Variants in CEP68 observed in about 807,000 individuals in gnomAD.
CEP68 encodes the protein centrosomal protein 68, also known as centrosomal protein of 68 kDa.
A neutral mutation model predicts 55.3 loss-of-function variants in CEP68; 26 were observed. That is an observed-to-expected ratio of 0.47 (90% CI 0.34 to 0.65). The LOEUF is 0.65. Ranked by LOEUF, CEP68 falls within the 30% of genes least tolerant of loss-of-function variation. CEP68 has a pLI of 0.01. For missense variants in CEP68, 957 were observed against 946.7 expected, an observed-to-expected ratio of 1.01 and a Z score of -0.14; for synonymous variants, 402 against 383.2, an observed-to-expected ratio of 1.05 and a Z score of -0.57.
At chr2:65,069,901 A>G (rs1676378495) in intron 2 of CEP68, 100 bp downstream of exon 2, 3 of 1,095,094 alleles carry the variant, frequency 2.7e-6, no homozygotes, top group East Asian at 2.4e-5. Flanking sequence ...GCTACTGTGC[A>G]GGGTGAGGAA....
Position 65,069,504 on chromosome 2 carries a change from C to T in CEP68, c.60C>T (p.Ser20=). ...AEASEDTKAQ[S]YGRGSCRERE... Reference sequence around the variant, plus strand: ...CATCTGAAGACACAAAGGCCCAGTCCTATGGGAGAGGGAGCTGCAGGGAGC... The same window carrying T: ...CATCTGAAGACACAAAGGCCCAGTCTTATGGGAGAGGGAGCTGCAGGGAGC... The change falls in exon 2 of 7, where the codon TCC becomes TCT. Residue 20 remains serine, a synonymous_variant. Transcript: ENST00000377990. The T allele has an allele frequency of 1.3e-6, 2 of 1,569,098 alleles. No individual in the cohort carries two copies. The highest frequency in any genetic ancestry group is 8.6e-7 in the Non-Finnish European group (1 of 1,156,448).
chr2:65,073,016 G>A, intron 3 of CEP68, 36 bp downstream of exon 3: 1 of 1,608,562 alleles, frequency 6.2e-7, no homozygotes. Context: ...TTTGTGTACA[G>A]GTGTCTTGTC....
chr2:65,081,204 T>C (rs1676995092), intron 5 of CEP68, among the ~76,000 whole-genome samples: 1 of 67,074 alleles, frequency 1.5e-5, no homozygotes, highest in Non-Finnish European at 2.9e-5. Context: ...AGAGTGAGAC[T>C]CCATCTCAAA....
chr2:65,070,422 G>A (rs1676405307), intron 2 of CEP68, among the ~76,000 whole-genome samples: 1 of 151,890 alleles, frequency 6.6e-6, no homozygotes, highest in Non-Finnish European at 1.5e-5. Context: ...GAGGTGACCG[G>A]AATGATCTGT....
chr2:65,057,340 G>A (rs1158992418), intron 1 of CEP68, among the ~76,000 whole-genome samples: 1 of 152,202 alleles, frequency 6.6e-6, no homozygotes, highest in Admixed American at 6.5e-5. Flanking sequence ...AACAAAGGTT[G>A]TTGGGTCAGT....
chr2:65,056,830 C>T (rs1425700508), intron 1 of CEP68, among the ~76,000 whole-genome samples: 1 of 152,088 alleles, frequency 6.6e-6, no homozygotes, highest in African/African-American at 2.4e-5. Context: ...CCGGGCGCGG[C>T]GAGGGAGTGC....
chr2:65,078,899 C>T (rs1171368261), intron 5 of CEP68, among the ~76,000 whole-genome samples: 1 of 152,202 alleles, frequency 6.6e-6, no homozygotes, highest in East Asian at 1.9e-4. Flanking sequence ...AAATCACAGA[C>T]CTCAGGCATG....
rs1342184828 is a variant in CEP68 at position 65,071,621 on chromosome 2, C to T, written c.525C>T (p.Leu175=). ...DLSQQPHSSG[L]SCLSQWKSVL... ...GCCAGCAGCCTCACAGCTCAGGTCT[C>T]TCTTGCCTGTCACAGTGGAAGTCCG... Residue 175 remains leucine (L), a synonymous_variant, in exon 3 of 7, where the codon CTC becomes CTT. Coordinates refer to ENST00000377990, the MANE Select transcript of CEP68 (RefSeq NM_015147.3). 2 of 1,614,094 alleles carry T rather than the reference C, an allele frequency of 1.2e-6. No homozygotes were observed. Among genetic ancestry groups the T allele is most frequent in the African/African-American group, 1.3e-5 (1 of 74,922 alleles).
rs1477029762 is a variant in CEP68, at chr2:65,071,686, G to A, written c.590G>A (p.Ser197Asn). 5.6e-6 allele frequency: 9 copies of A among 1,614,168 alleles called. No homozygotes were observed. The highest frequency in any genetic ancestry group is 6.8e-6 in the Non-Finnish European group (8 of 1,180,046). The change falls in exon 3 of 7, where the codon AGC becomes AAC. Residue 197 changes from serine to asparagine, a missense_variant. Physicochemically the swap from Ser to Asn is conservative, Grantham distance 46. Coordinates refer to ENST00000377990, the MANE Select transcript of CEP68 (RefSeq NM_015147.3). Reference protein sequence around the residue: ...PGSAAQPSSCSISASSTGSSL... With the variant: ...PGSAAQPSSCNISASSTGSSL... Reference sequence around the variant, plus strand: ...TCCGCAGCTCAGCCTTCCAGCTGCAGCATCTCTGCTTCCTCCACAGGCAGC... The same window carrying A: ...TCCGCAGCTCAGCCTTCCAGCTGCAACATCTCTGCTTCCTCCACAGGCAGC...
At chr2:65,063,405 C>T (rs1383766332) in intron 1 of CEP68, among the ~76,000 whole-genome samples, 4 of 152,198 alleles carry the variant, frequency 2.6e-5, no homozygotes, top group African/African-American at 7.2e-5. Flanking sequence ...TGGGAGGCGA[C>T]GGGGGCCTGT....
rs1573055498 is a variant in CEP68 at position 65,084,420 on chromosome 2, A to G, written c.*786A>G. On this transcript the variant is annotated 3_prime_UTR_variant, in exon 7 of 7. Coordinates refer to ENST00000377990, the MANE Select transcript of CEP68 (RefSeq NM_015147.3). ...GAGCAGTCCAGGCTCAGGGAAGGGA[A>G]CGGATAGGATGACACAGTAAGTACA... 3 of 152,242 alleles carry G rather than the reference A, an allele frequency of 2.0e-5. No individual in the cohort carries two copies. The South Asian group carries it at 6.2e-4, about 32-fold the overall frequency. The allele number at this position is 152,242 out of a possible 1,614,324, so 9.4% of individuals were successfully genotyped here. A position where few individuals can be genotyped will look rare whatever the true frequency, so the allele number is the denominator to read the frequency against.
chr2:65,086,969 G>A lies in CEP68; in HGVS notation c.*3335G>A, dbSNP rs1669046924. The stretch of plus-strand genomic sequence containing the variant: ...TATTTTTGTACCATGTATTTCAATT[G>A]CCTGTTTAGTGAAAAATAAAAATTA... On this transcript the variant is annotated 3_prime_UTR_variant, in exon 7 of 7. Coordinates refer to ENST00000377990, the MANE Select transcript of CEP68 (RefSeq NM_015147.3). The A allele has an allele frequency of 6.6e-6, 1 of 152,252 alleles. No homozygotes were observed. Among genetic ancestry groups the A allele is most frequent in the South Asian group, 2.1e-4 (1 of 4,816 alleles). 9.4% of individuals were successfully genotyped at this position (152,252 alleles called of 1,614,324 possible).
chr2:65,057,009 GTCT>G (rs1416262251), intron 1 of CEP68, among the ~76,000 whole-genome samples: 5 of 126,552 alleles, frequency 4.0e-5, no homozygotes, highest in Non-Finnish European at 6.7e-5. Context: ...GACCAGTGAT[GTCT>G]TCTTATCGCC....
At chr2:65,081,980 G>A (rs995256059) in intron 5 of CEP68, among the ~76,000 whole-genome samples, 2 of 152,318 alleles carry the variant, frequency 1.3e-5, no homozygotes, top group Admixed American at 6.5e-5. Flanking sequence ...GATTACAGGC[G>A]TGAGCCACTG....
At chr2:65,075,177 G>A (rs1256857844) in intron 4 of CEP68, 1 of 151,826 alleles carries the variant, frequency 6.6e-6, no homozygotes, top group Non-Finnish European at 1.5e-5. Flanking sequence ...AGCACTTTGG[G>A]ATGCTGAGGC....
intron 1 of CEP68, among the ~76,000 whole-genome samples, chr2:65,065,503 T>C (rs761507797): frequency 1.2e-4 from 18 of 152,172 alleles, no homozygotes; most frequent in Non-Finnish European, 2.2e-4. Flanking sequence ...AAAGGACATA[T>C]AACGAAACCA....
rs1395352634 is a variant in CEP68, at chr2:65,071,458, A to G, written c.362A>G (p.Glu121Gly). The G allele has an allele frequency of 1.9e-6, 3 of 1,612,562 alleles. No individual in the cohort carries two copies. The highest frequency in any genetic ancestry group is 1.3e-5 in the African/African-American group (1 of 75,016). ...TTGTCCCTTTGATCATTGCAGGTGGAGAAGACCAAGCTTTCTTCCTCCGAG... is the reference window on the plus strand; with the variant it reads ...TTGTCCCTTTGATCATTGCAGGTGGGGAAGACCAAGCTTTCTTCCTCCGAG... ...DLLLSGESQV[E>G]KTKLSSSEEF... Residue 121 changes from glutamate to glycine, a missense_variant, in exon 3 of 7, where the codon GAG becomes GGG. Coordinates refer to ENST00000377990, the MANE Select transcript of CEP68 (RefSeq NM_015147.3).
At chr2:65,059,260 T>A (rs1298081178) in intron 1 of CEP68, among the ~76,000 whole-genome samples, 3 of 152,214 alleles carry the variant, frequency 2.0e-5, no homozygotes, top group African/African-American at 7.2e-5. Flanking sequence ...TGGGGGACAC[T>A]GCGTCACTTC....
rs529222594 is a variant in CEP68, at chr2:65,086,615, A to C, written c.*2981A>C. On this transcript the variant is annotated 3_prime_UTR_variant, in exon 7 of 7. Coordinates refer to ENST00000377990, the MANE Select transcript of CEP68 (RefSeq NM_015147.3). ...CAAGAATAAGCTGACAATTTAAACAACTTTTACTGTGTAAAAATGAAGTGC... is the reference window on the plus strand; with the variant it reads ...CAAGAATAAGCTGACAATTTAAACACCTTTTACTGTGTAAAAATGAAGTGC... The C allele has an allele frequency of 6.6e-6, 1 of 152,360 alleles. No individual in the cohort carries two copies. Among genetic ancestry groups the C allele is most frequent in the Admixed American group, 6.5e-5 (1 of 15,304 alleles). The allele number at this position is 152,360 out of a possible 1,614,324, so 9.4% of individuals were successfully genotyped here.
Sources: allele counts gnomAD v4.1 joint callset (sites outside exome capture counted in the v4.1 genomes callset), GRCh38; gene constraint gnomAD v4.1.1; transcripts MANE v1.5; gene names NCBI Gene and HGNC (gene_info 2026-07-23, HGNC 2026-07-21).